SETX: variants seen among roughly 807,000 people sequenced by gnomAD.
The protein encoded by SETX is helicase senataxin.
A neutral mutation model predicts 227.2 loss-of-function variants in SETX; 90 were observed. The observed-to-expected ratio is 0.40, with a 90% CI of 0.33 to 0.47. The LOEUF (loss-of-function observed/expected upper bound fraction) is 0.47. SETX is among the 20% of genes least tolerant of loss of function. The probability of loss-of-function intolerance (pLI) is 0.91; values close to 1 mark genes in which losing one functional copy is unlikely to be tolerated. For missense variants in SETX, 3,052 were observed against 3,181.5 expected, an observed-to-expected ratio of 0.96 and a Z score of 0.98; for synonymous variants, 1,210 against 1,113.2, an observed-to-expected ratio of 1.09 and a Z score of -1.73.
intron 11 of SETX, among the ~76,000 whole-genome samples, chr9:132,302,077 G>A (rs1047135827): frequency 2.0e-5 from 3 of 152,194 alleles, no homozygotes; most frequent in Non-Finnish European, 4.4e-5. Flanking sequence ...GCAGATGGCC[G>A]CCAGGCACAG....
chr9:132,328,592 T>C lies in SETX; in HGVS notation c.3006A>G (p.Gln1002=). The C allele has an allele frequency of 6.2e-7, 1 of 1,613,896 alleles. No individual in the cohort carries two copies. The highest frequency in any genetic ancestry group is 8.5e-7 in the Non-Finnish European group (1 of 1,179,946). Residue 1002 remains glutamine, a synonymous_variant, in exon 10 of 26, where the codon CAA becomes CAG. Transcript: ENST00000224140. The stretch of plus-strand genomic sequence containing the variant: ...CACGGGAGGTATCTCCAACATTATT[T>C]TGGTTAGCTGTGAAACATCTTTTAT... ...KEDKRCFTAN[Q]NNVGDTSRGQ...
At chr9:132,313,058 T>G (rs1474336292) in intron 10 of SETX, among the ~76,000 whole-genome samples, 1 of 152,136 alleles carries the variant, frequency 6.6e-6, no homozygotes, top group Non-Finnish European at 1.5e-5. Context: ...GACGAGAGAT[T>G]AGTGTTTGAC....
At chr9:132,303,214 C>G (rs11243722) in intron 11 of SETX, among the ~76,000 whole-genome samples, 37,870 of 151,032 alleles carry the variant, frequency 0.25, 6,044 homozygotes, top group East Asian at 0.68. Context: ...GTAGAGACAG[C>G]GTCTTGCTAT....
At chr9:132,337,154 C>G (rs748980376) in intron 5 of SETX, among the ~76,000 whole-genome samples, 8 of 151,466 alleles carry the variant, frequency 5.3e-5, no homozygotes, top group Non-Finnish European at 1.2e-4. Flanking sequence ...GGATGAAATG[C>G]TCTGATATCT....
intron 7 of SETX, among the ~76,000 whole-genome samples, chr9:132,334,061 G>T (rs1847436095): frequency 6.6e-6 from 1 of 151,984 alleles, no homozygotes; most frequent in South Asian, 2.1e-4. Flanking sequence ...GTCTCCCAGA[G>T]GTTCTGATGT....
intron 11 of SETX, among the ~76,000 whole-genome samples, chr9:132,307,341 T>A (rs1233068148): frequency 8.2e-6 from 1 of 121,508 alleles, no homozygotes; most frequent in Admixed American, 8.0e-5. Context: ...TAAATAAGTT[T>A]TTTTTTTTTA....
rs540831747 is a variant in SETX at position 132,286,477 on chromosome 9, T to C, written c.6342A>G (p.Glu2114=). The change falls in exon 18 of 26, where the codon GAA becomes GAG. Residue 2114 remains glutamate (E), a synonymous_variant. Coordinates refer to ENST00000224140, the MANE Select transcript of SETX (RefSeq NM_015046.7). ...GREIQRQELD[E]NISKVSKERQ... ...TTTCCTTAGAAACTTTGGAAATGTTTTCATCTAATTCTTGCCTCTGGAAAA... is the reference window on the plus strand; with the variant it reads ...TTTCCTTAGAAACTTTGGAAATGTTCTCATCTAATTCTTGCCTCTGGAAAA... 1 of 1,613,670 alleles carries C rather than the reference T, an allele frequency of 6.2e-7. No individual in the cohort carries two copies. The highest frequency in any genetic ancestry group is 1.7e-5 in the Admixed American group (1 of 60,012).
At chr9:132,278,437 CTTTTTTTTTTTTTTTTTTTT>C (rs67558000) in intron 20 of SETX, among the ~76,000 whole-genome samples, 180 bp from the exon 21 acceptor site, 2,024 of 84,988 alleles carry the variant, frequency 0.024, 78 homozygotes, top group African/African-American at 0.072. Context: ...TGCCATGAAT[CTTTTTTTTTTTTTTTTTTTT>C]TTTTTTTTTT....
At chr9:132,269,296 T>TAA in intron 25 of SETX, 2 of 708,816 alleles carry the variant, frequency 2.8e-6, no homozygotes, top group Non-Finnish European at 4.2e-6. Flanking sequence ...ATTTACTGAG[T>TAA]GTTTACTAAG....
upstream of SETX, among the ~76,000 whole-genome samples, chr9:132,355,831 A>G (rs1211963984): frequency 6.6e-6 from 1 of 152,060 alleles, no homozygotes; most frequent in African/African-American, 2.4e-5. Flanking sequence ...TACTAAAAAT[A>G]AAAAGATTAC....
In SETX at chr9:132,292,368, G is replaced by A. The variant is rs1844373050; in HGVS notation, c.6106+3504C>T. On this transcript the variant is annotated intron_variant, in intron 15 of 25. Transcript: ENST00000224140. The stretch of plus-strand genomic sequence containing the variant: ...CACTTGAGCCCAGGAGGGCAAGGCT[G>A]CACTGAGCCATGATCATGCCAATGT... Among the ~76,000 whole-genome samples, 3 of 139,806 alleles carry A rather than the reference G, an allele frequency of 2.1e-5. 1 individual carries two copies. The highest frequency in any genetic ancestry group is 7.8e-5 in the Admixed American group (1 of 12,748). The allele number at this position is 139,806 out of a possible 152,430, so 91.7% of individuals were successfully genotyped here.
intron 4 of SETX, among the ~76,000 whole-genome samples, chr9:132,344,438 A>C (rs1420586153): frequency 6.6e-6 from 1 of 152,194 alleles, no homozygotes; most frequent in African/African-American, 2.4e-5. Flanking sequence ...CGAGGGTGAG[A>C]AGACTGTTTT....
At chr9:132,310,233 C>T (rs1655547101) in intron 11 of SETX, among the ~76,000 whole-genome samples, 1 of 152,194 alleles carries the variant, frequency 6.6e-6, no homozygotes, top group African/African-American at 2.4e-5. Flanking sequence ...CACAGCCCAA[C>T]AGCTAAAAAT....
chr9:132,330,581 C>A (rs1186568728), intron 9 of SETX, 82 bp from the exon 10 acceptor site: 4 of 1,152,458 alleles, frequency 3.5e-6, no homozygotes, highest in Middle Eastern at 1.9e-4. Context: ...AAGAAAAATA[C>A]GTTTCTCAAC....
At chr9:132,293,566 C>T (rs1259185144) in intron 15 of SETX, among the ~76,000 whole-genome samples, 1 of 152,064 alleles carries the variant, frequency 6.6e-6, no homozygotes, top group Non-Finnish European at 1.5e-5. Context: ...AGATTACAGA[C>T]CCGTGCCACG....
intron 1 of SETX, among the ~76,000 whole-genome samples, chr9:132,354,634 C>T (rs1442627956): frequency 1.3e-5 from 2 of 152,204 alleles, no homozygotes; most frequent in Middle Eastern, 3.4e-3. Context: ...GCAGTATCCA[C>T]ACCAAAAACA....
intron 11 of SETX, among the ~76,000 whole-genome samples, chr9:132,304,051 C>T (rs938168241): frequency 2.6e-5 from 4 of 152,042 alleles, no homozygotes; most frequent in Non-Finnish European, 5.9e-5. Context: ...ACCCGGGAGG[C>T]GGAGGTTGCA....
intron 10 of SETX, 126 bp downstream of exon 10, chr9:132,326,198 C>T: frequency 1.3e-6 from 1 of 749,898 alleles, no homozygotes; most frequent in Non-Finnish European, 2.3e-6. Context: ...TCCCGAGTAG[C>T]TGGGATTACA....
intron 11 of SETX, among the ~76,000 whole-genome samples, chr9:132,301,621 G>A (rs563298033): frequency 9.2e-5 from 14 of 152,168 alleles, no homozygotes; most frequent in African/African-American, 3.1e-4. Context: ...TATTCAATAC[G>A]GTAACATGCT....
Sources: allele counts gnomAD v4.1 joint callset (sites outside exome capture counted in the v4.1 genomes callset), GRCh38; gene constraint gnomAD v4.1.1; transcripts MANE v1.5; gene names NCBI Gene and HGNC (gene_info 2026-07-23, HGNC 2026-07-21).